Variants in CCSER1 observed in about 807,000 individuals in gnomAD.
The protein encoded by CCSER1 is coiled-coil serine rich protein 1, also known as serine-rich coiled-coil domain-containing protein 1.
Under a neutral mutation model 82.0 loss-of-function variants are expected in CCSER1, and 41 were observed. The ratio of observed to expected loss-of-function variants is 0.50; its 90% CI spans 0.39 to 0.65. The LOEUF (loss-of-function observed/expected upper bound fraction) is 0.65, where lower values mean the gene tolerates loss of function less well. CCSER1 is among the 30% of genes least tolerant of loss of function. The pLI is 0.00. For missense variants in CCSER1, 1,119 were observed against 1,064.2 expected (o/e 1.05, Z -0.72); for synonymous variants, 414 against 383.9 (o/e 1.08, Z -0.92).
chr4:91,576,137 T>C (rs1763441475), intron 10 of CCSER1, among the ~76,000 whole-genome samples: 1 of 151,944 alleles, frequency 6.6e-6, no homozygotes, highest in African/African-American at 2.4e-5. Flanking sequence ...TACAGAAATG[T>C]GATCTATCTA....
intron 10 of CCSER1, among the ~76,000 whole-genome samples, chr4:91,177,845 T>G (rs1163195289): frequency 6.6e-6 from 1 of 152,212 alleles, no homozygotes; most frequent in Non-Finnish European, 1.5e-5. Flanking sequence ...ATTTCTTGCC[T>G]TCTCCTAGCT....
chr4:91,329,329 GTTAA>G lies in CCSER1; in HGVS notation c.2217+243338_2217+243341del, dbSNP rs1192160909. 3.9e-5 allele frequency among the ~76,000 whole-genome samples: 6 copies of G among 152,240 alleles called. No individual in the cohort carries two copies. In the East Asian group the frequency reaches 1.2e-3, roughly 29 times the overall value. On this transcript the variant is annotated intron_variant, in intron 10 of 10. Transcript: ENST00000509176. ...ACAACTCTAATTTCTGATGCTGTGTGTTAATTTTCTTTTACAATTTACTAAGTAG... is the reference window on the plus strand; with the variant it reads ...ACAACTCTAATTTCTGATGCTGTGTGTTTTCTTTTACAATTTACTAAGTAG...
At chr4:91,502,561 G>C (rs769705161) in intron 10 of CCSER1, among the ~76,000 whole-genome samples, 3 of 152,060 alleles carry the variant, frequency 2.0e-5, no homozygotes, top group Non-Finnish European at 2.9e-5. Flanking sequence ...ACCACCCCCT[G>C]GTGGAGTTGA....
intron 8 of CCSER1, among the ~76,000 whole-genome samples, chr4:90,895,355 T>C (rs1414327143): frequency 1.3e-5 from 2 of 151,868 alleles, no homozygotes; most frequent in Admixed American, 1.3e-4. Flanking sequence ...ATCAGCAAAA[T>C]ATTTGATGAT....
At chr4:90,907,716 C>T (rs1373233532) in intron 8 of CCSER1, among the ~76,000 whole-genome samples, 1 of 151,982 alleles carries the variant, frequency 6.6e-6, no homozygotes, top group Admixed American at 6.6e-5. Context: ...AATATCCTCA[C>T]TTTTCTCTTT....
chr4:91,189,304 G>A (rs1165023827), intron 10 of CCSER1, among the ~76,000 whole-genome samples: 2 of 152,018 alleles, frequency 1.3e-5, no homozygotes, highest in Non-Finnish European at 2.9e-5. Flanking sequence ...ATTCTAAGAG[G>A]TATTGTGCCC....
intron 1 of CCSER1, among the ~76,000 whole-genome samples, chr4:90,132,431 G>A (rs1722967935): frequency 6.6e-6 from 1 of 152,122 alleles, no homozygotes; most frequent in South Asian, 2.1e-4. Context: ...AGTCTGGGGT[G>A]GGAGAAGCAG....
intron 4 of CCSER1, among the ~76,000 whole-genome samples, chr4:90,455,403 A>G (rs1481201982): frequency 6.6e-6 from 1 of 152,146 alleles, no homozygotes; most frequent in Non-Finnish European, 1.5e-5. Context: ...GGAAGAGAGA[A>G]CAGAGGAGGA....
At chr4:91,459,559 G>T (rs551621265) in intron 10 of CCSER1, among the ~76,000 whole-genome samples, 7 of 152,236 alleles carry the variant, frequency 4.6e-5, no homozygotes, top group Admixed American at 1.3e-4. Context: ...TGAAATAACA[G>T]ATACAAAGAT....
At chr4:91,340,806 G>C (rs1747675258) in intron 10 of CCSER1, among the ~76,000 whole-genome samples, 1 of 152,164 alleles carries the variant, frequency 6.6e-6, no homozygotes. Flanking sequence ...TCAATTCACA[G>C]TGGGCACCAC....
At chr4:91,013,709 T>C (rs1739191776) in intron 9 of CCSER1, among the ~76,000 whole-genome samples, 1 of 127,880 alleles carries the variant, frequency 7.8e-6, no homozygotes, top group Admixed American at 7.9e-5. Flanking sequence ...TTCACGCCAT[T>C]CTCCTGCCTC....
intron 3 of CCSER1, among the ~76,000 whole-genome samples, chr4:90,327,165 A>T (rs1017644107): frequency 1.6e-4 from 24 of 152,134 alleles, no homozygotes; most frequent in African/African-American, 5.8e-4. Context: ...GGGAAAATGG[A>T]TCACAGGCTA....
intron 10 of CCSER1, among the ~76,000 whole-genome samples, chr4:91,150,097 C>A (rs1730003460): frequency 6.6e-6 from 1 of 152,096 alleles, no homozygotes; most frequent in African/African-American, 2.4e-5. Context: ...GATATTGATT[C>A]TTCCTATCCA....
chr4:91,452,784 T>G (rs1302255287), intron 10 of CCSER1, among the ~76,000 whole-genome samples: 1 of 152,040 alleles, frequency 6.6e-6, no homozygotes, highest in African/African-American at 2.4e-5. Context: ...TGTTGAGCTC[T>G]TTGGTTGCAG....
intron 8 of CCSER1, among the ~76,000 whole-genome samples, chr4:90,843,018 AT>A (rs1762765394): frequency 6.6e-6 from 1 of 152,180 alleles, no homozygotes; most frequent in South Asian, 2.1e-4. Context: ...TTTGAAGGGG[AT>A]GACATCTCTT....
At chr4:90,704,184 C>A (rs1206007431) in intron 6 of CCSER1, among the ~76,000 whole-genome samples, 2 of 152,164 alleles carry the variant, frequency 1.3e-5, no homozygotes, top group African/African-American at 4.8e-5. Context: ...GACAAAATCT[C>A]TCAGCATTTG....
chr4:91,375,855 AT>A (rs34466300), intron 10 of CCSER1, among the ~76,000 whole-genome samples: 101,753 of 151,862 alleles, frequency 0.67, 34,545 homozygotes, highest in East Asian at 0.86. Context: ...CTAATATAGA[AT>A]TTTAGTATTT....
chr4:91,027,366 GT>G (rs67758362), intron 9 of CCSER1, among the ~76,000 whole-genome samples: 4 of 150,652 alleles, frequency 2.7e-5, no homozygotes, highest in South Asian at 4.2e-4. Context: ...AGTTAATTGG[GT>G]TTTTTTTTAC....
intron 1 of CCSER1, among the ~76,000 whole-genome samples, chr4:90,175,002 A>T (rs188416733): frequency 1.1e-4 from 17 of 152,106 alleles, no homozygotes; most frequent in Non-Finnish European, 2.1e-4. Flanking sequence ...TTCCAAACAC[A>T]GGTATTTACC....
Sources: gnomAD v4.1 joint callset for allele counts (sites outside exome capture counted in the v4.1 genomes callset) on GRCh38, gnomAD v4.1.1 for gene constraint, MANE v1.5 for transcripts, NCBI Gene and HGNC (gene_info 2026-07-23, HGNC 2026-07-21) for gene names.